SPON1: variants seen among roughly 807,000 people sequenced by gnomAD.
SPON1 encodes spondin-1.
SPON1 carries 52 observed loss-of-function variants against 111.7 expected under a neutral mutation model. That is an observed-to-expected ratio of 0.47 (90% CI 0.37 to 0.59). SPON1 has a LOEUF of 0.59. Ranked by LOEUF, SPON1 falls within the 20% of genes least tolerant of loss-of-function variation. The pLI is 0.00. For missense variants in SPON1, 957 were observed against 1,068.5 expected, an observed-to-expected ratio of 0.90 and a Z score of 1.46; for synonymous variants, 410 against 395.8, an observed-to-expected ratio of 1.04 and a Z score of -0.43.
chr11:14,160,979 ATATTTATATATATT>A (rs1554931142), intron 6 of SPON1, among the ~76,000 whole-genome samples: 15 of 84,944 alleles, frequency 1.8e-4, no homozygotes, highest in African/African-American at 6.8e-4. Flanking sequence ...ATATTTTTAT[ATATTTATATATATT>A]TTTATATATT....
chr11:14,181,345 T>TG (rs1554933672), intron 6 of SPON1, among the ~76,000 whole-genome samples: 3 of 152,198 alleles, frequency 2.0e-5, no homozygotes, highest in Non-Finnish European at 4.4e-5. Flanking sequence ...TTCTGACAGC[T>TG]GGGAGCCCTT....
At chr11:14,112,654 A>AC (rs1385646805) in intron 5 of SPON1, among the ~76,000 whole-genome samples, 1 of 152,152 alleles carries the variant, frequency 6.6e-6, no homozygotes, top group Non-Finnish European at 1.5e-5. Context: ...CTTGCCTTGG[A>AC]CCCCAGTTCT....
At chr11:14,236,135 G>A (rs1009964870) in intron 6 of SPON1, among the ~76,000 whole-genome samples, 7 of 152,110 alleles carry the variant, frequency 4.6e-5, no homozygotes, top group South Asian at 2.1e-4. Context: ...ACTGCTGCAC[G>A]AACAAGAGTC....
At chr11:14,256,557 C>A in intron 9 of SPON1, 60 bp from the exon 10 acceptor site, 1 of 1,184,824 alleles carries the variant, frequency 8.4e-7, no homozygotes, top group Non-Finnish European at 1.3e-6. Flanking sequence ...CTTTCACCTT[C>A]CCCCTACACA....
intron 3 of SPON1, among the ~76,000 whole-genome samples, chr11:14,060,163 G>T (rs1052372160): frequency 2.0e-5 from 3 of 152,168 alleles, no homozygotes; most frequent in Non-Finnish European, 2.9e-5. Flanking sequence ...GCTCAGAGAG[G>T]TAATGTGATT....
chr11:14,227,696 G>A (rs1848755200), intron 6 of SPON1, among the ~76,000 whole-genome samples: 1 of 152,096 alleles, frequency 6.6e-6, no homozygotes, highest in South Asian at 2.1e-4. Context: ...TTTGTACCTT[G>A]GAACAGGCCT....
intron 2 of SPON1, among the ~76,000 whole-genome samples, chr11:13,987,377 C>A (rs1199051715): frequency 1.3e-5 from 2 of 152,008 alleles, no homozygotes; most frequent in African/African-American, 2.4e-5. Context: ...TGAGAAGTGT[C>A]TGTTAATATC....
At chr11:13,984,741 A>G (rs1848169478) in intron 2 of SPON1, among the ~76,000 whole-genome samples, 1 of 152,106 alleles carries the variant, frequency 6.6e-6, no homozygotes, top group African/African-American at 2.4e-5. Context: ...GTCTTCTCTG[A>G]CTCACAGTTG....
chr11:14,222,388 C>T (rs531152464), intron 6 of SPON1, among the ~76,000 whole-genome samples: 15 of 152,344 alleles, frequency 9.8e-5, no homozygotes, highest in South Asian at 2.1e-4. Context: ...TTGAGACATA[C>T]GGCAAAGATT....
chr11:14,132,576 GC>G (rs1847540434), intron 5 of SPON1, among the ~76,000 whole-genome samples: 1 of 152,034 alleles, frequency 6.6e-6, no homozygotes, highest in Non-Finnish European at 1.5e-5. Context: ...TGTTTCCCCT[GC>G]CCCCAGACTG....
At chr11:14,237,330 GA>G (rs1165189268) in intron 6 of SPON1, among the ~76,000 whole-genome samples, 1 of 152,198 alleles carries the variant, frequency 6.6e-6, no homozygotes, top group Non-Finnish European at 1.5e-5. Context: ...GAACCCCAGT[GA>G]TCCTGTGCCT....
chr11:14,107,647 G>C (rs1849195947), intron 5 of SPON1, among the ~76,000 whole-genome samples: 1 of 150,128 alleles, frequency 6.7e-6, no homozygotes, highest in African/African-American at 2.5e-5. Flanking sequence ...GAAGCTAAAA[G>C]CCTAAGAAGT....
Position 13,962,746 on chromosome 11 carries a change from C to T in SPON1, c.-159C>T. On this transcript the variant is annotated 5_prime_UTR_variant, in exon 1 of 16. Transcript: ENST00000576479. The stretch of plus-strand genomic sequence containing the variant: ...TCAGCTCAGCGCAGCTCCGCGGCCG[C>T]CAAGCCGAGGCGGGCACGGTCTCCG... The T allele has an allele frequency of 3.0e-6, 2 of 663,176 alleles. No homozygotes were observed. Among genetic ancestry groups the T allele is most frequent in the Non-Finnish European group, 4.7e-6 (2 of 422,882 alleles). 41.1% of individuals were successfully genotyped at this position (663,176 alleles called of 1,614,324 possible). A position where few individuals can be genotyped will look rare whatever the true frequency, so the allele number is the denominator to read the frequency against.
At chr11:13,981,031 T>G (rs534485183) in intron 1 of SPON1, among the ~76,000 whole-genome samples, 1 of 152,350 alleles carries the variant, frequency 6.6e-6, no homozygotes, top group East Asian at 1.9e-4. Flanking sequence ...AGCACTTTTA[T>G]GCAGGCAGTA....
chr11:14,132,546 A>G (rs1212289994), intron 5 of SPON1, among the ~76,000 whole-genome samples: 1 of 152,104 alleles, frequency 6.6e-6, no homozygotes, highest in East Asian at 1.9e-4. Context: ...AGTGGATTGT[A>G]ATTAATCCGC....
At position 14,255,779 on chromosome 11, in the gene SPON1, G is replaced by T. The variant is rs782060509; in HGVS notation, c.1225G>T (p.Ala409Ser). ...QVARVVIERI[A>S]RKGEQCNIVP... ...AGCCAGAGTTGTCATCGAGAGAATCGCACGGAAGGTACTGGGTTAGAACCC... is the reference window on the plus strand; with the variant it reads ...AGCCAGAGTTGTCATCGAGAGAATCTCACGGAAGGTACTGGGTTAGAACCC... Residue 409 changes from alanine to serine, a missense_variant, in exon 9 of 16, where the codon GCA becomes TCA. By Grantham distance (99) the Ala-to-Ser change is moderately conservative (BLOSUM62 1). Coordinates refer to ENST00000576479, the MANE Select transcript of SPON1 (RefSeq NM_006108.4). 4.3e-6 allele frequency: 7 copies of T among 1,613,728 alleles called. No homozygotes were observed. Among genetic ancestry groups the T allele is most frequent in the Non-Finnish European group, 5.9e-6 (7 of 1,179,820 alleles).
At chr11:14,060,142 G>A (rs1277666090) in intron 3 of SPON1, among the ~76,000 whole-genome samples, 1 of 152,178 alleles carries the variant, frequency 6.6e-6, no homozygotes, top group Non-Finnish European at 1.5e-5. Flanking sequence ...TAATAATTGT[G>A]AGAAATTGAA....
chr11:13,974,663 T>C (rs1554908909), intron 1 of SPON1, among the ~76,000 whole-genome samples: 1 of 152,194 alleles, frequency 6.6e-6, no homozygotes, highest in African/African-American at 2.4e-5. Context: ...CCTTTGTTAC[T>C]GATGTGGCTT....
chr11:14,123,911 C>T (rs1409199235), intron 5 of SPON1, among the ~76,000 whole-genome samples: 1 of 152,198 alleles, frequency 6.6e-6, no homozygotes, highest in African/African-American at 2.4e-5. Flanking sequence ...TGTTTTCCAA[C>T]ATCCGAAAAC....
Sources: gnomAD v4.1 joint callset for allele counts (sites outside exome capture counted in the v4.1 genomes callset) on GRCh38, gnomAD v4.1.1 for gene constraint, MANE v1.5 for transcripts, NCBI Gene and HGNC (gene_info 2026-07-23, HGNC 2026-07-21) for gene names.